PCDH9: variants seen among roughly 807,000 people sequenced by gnomAD.
PCDH9 encodes the protein protocadherin 9.
PCDH9 carries 24 observed loss-of-function variants against 70.6 expected under a neutral mutation model. The observed-to-expected ratio is 0.34, with a 90% CI of 0.25 to 0.48. The LOEUF is 0.48. Ranked by LOEUF, PCDH9 falls within the 20% of genes least tolerant of loss-of-function variation. The pLI is 0.99. For synonymous variants in PCDH9, 562 were observed against 558.5 expected (o/e 1.01, Z -0.09); for missense variants, 1,281 against 1,503.6 (o/e 0.85, Z 2.45).
At chr13:66,464,082 T>C (rs1958472673) in intron 4 of PCDH9, among the ~76,000 whole-genome samples, 1 of 151,926 alleles carries the variant, frequency 6.6e-6, no homozygotes, top group Non-Finnish European at 1.5e-5. Flanking sequence ...TGCTGAAATA[T>C]TTATTTTGTA....
At chr13:66,425,699 A>G (rs1161942060) in intron 4 of PCDH9, among the ~76,000 whole-genome samples, 2 of 151,782 alleles carry the variant, frequency 1.3e-5, no homozygotes, top group Admixed American at 6.6e-5. Flanking sequence ...ATTATCTATC[A>G]TAACATTTGA....
Position 67,149,710 on chromosome 13 carries a change from T to TA in PCDH9, c.3036+75694dup, listed in dbSNP as rs961467307. Among the ~76,000 whole-genome samples the TA allele has an allele frequency of 2.7e-3, 408 of 151,154 alleles. 1 individual carries two copies. The highest frequency in any genetic ancestry group is 7.7e-3 in the African/African-American group (318 of 41,266). On this transcript the variant is annotated intron_variant, in intron 2 of 4. Coordinates refer to ENST00000377865, the MANE Select transcript of PCDH9 (RefSeq NM_203487.3). ...TTACGTTAAAGATTTTTGCTTTGTA[T>TA]AAAAAAAAACCCTAAGATTATTAAC...
chr13:66,813,495 A>C (rs1272956179), intron 3 of PCDH9, among the ~76,000 whole-genome samples: 4 of 151,606 alleles, frequency 2.6e-5, no homozygotes, highest in African/African-American at 9.7e-5. Flanking sequence ...GGAAAGGAGG[A>C]AGGAAGAAAA....
At chr13:67,007,470 C>G (rs2084374963) in intron 2 of PCDH9, among the ~76,000 whole-genome samples, 1 of 151,912 alleles carries the variant, frequency 6.6e-6, no homozygotes, top group Non-Finnish European at 1.5e-5. Context: ...AATTTAATAA[C>G]AAAATGTAAA....
intron 4 of PCDH9, among the ~76,000 whole-genome samples, chr13:66,474,386 T>C (rs1050934382): frequency 6.6e-6 from 1 of 152,120 alleles, no homozygotes. Flanking sequence ...ACTTCTTCTA[T>C]CTAACGTACT....
At chr13:66,348,487 TC>T (rs1240703095) in intron 4 of PCDH9, among the ~76,000 whole-genome samples, 1 of 151,914 alleles carries the variant, frequency 6.6e-6, no homozygotes, top group Non-Finnish European at 1.5e-5. Flanking sequence ...AACTTCCACT[TC>T]CGGGATTCAA....
At chr13:66,766,618 GA>G (rs1383007973) in intron 3 of PCDH9, among the ~76,000 whole-genome samples, 1 of 151,696 alleles carries the variant, frequency 6.6e-6, no homozygotes, top group Non-Finnish European at 1.5e-5. Flanking sequence ...GGGAGGAGAG[GA>G]AAAAAATGTA....
intron 2 of PCDH9, among the ~76,000 whole-genome samples, chr13:66,973,997 G>C (rs977127415): frequency 6.6e-6 from 1 of 151,938 alleles, no homozygotes; most frequent in Non-Finnish European, 1.5e-5. Flanking sequence ...CTGGAAGCTG[G>C]AACATGATAC....
chr13:66,901,245 A>G (rs916059404), intron 3 of PCDH9, among the ~76,000 whole-genome samples: 2 of 151,784 alleles, frequency 1.3e-5, no homozygotes, highest in Non-Finnish European at 1.5e-5. Context: ...ATGATCAAAA[A>G]CAGTTTAGAC....
At chr13:66,952,066 T>C (rs1377542076) in intron 2 of PCDH9, among the ~76,000 whole-genome samples, 1 of 152,144 alleles carries the variant, frequency 6.6e-6, no homozygotes, top group Non-Finnish European at 1.5e-5. Flanking sequence ...ACAAGTCGTT[T>C]CTCTGAATTT....
At chr13:66,826,775 G>A (rs1260671110) in intron 3 of PCDH9, among the ~76,000 whole-genome samples, 2 of 152,320 alleles carry the variant, frequency 1.3e-5, no homozygotes, top group East Asian at 3.9e-4. Flanking sequence ...AAGTGGCTTT[G>A]AGCAGAGACT....
intron 4 of PCDH9, among the ~76,000 whole-genome samples, chr13:66,306,824 T>C (rs977391602): frequency 1.3e-5 from 2 of 152,034 alleles, no homozygotes; most frequent in African/African-American, 4.8e-5. Flanking sequence ...TATGAGCCTT[T>C]CTTTGCCCTC....
chr13:66,940,742 TA>T (rs1221537817), intron 2 of PCDH9, among the ~76,000 whole-genome samples: 1 of 103,480 alleles, frequency 9.7e-6, no homozygotes, highest in Non-Finnish European at 1.9e-5. Flanking sequence ...TATATGAGAG[TA>T]AAAATAGCTT....
At chr13:66,993,151 G>T (rs1364681984) in intron 2 of PCDH9, among the ~76,000 whole-genome samples, 1 of 151,942 alleles carries the variant, frequency 6.6e-6, no homozygotes, top group African/African-American at 2.4e-5. Flanking sequence ...ATTCCACAAA[G>T]AATTTCCCAC....
intron 4 of PCDH9, among the ~76,000 whole-genome samples, chr13:66,544,077 T>C (rs966666097): frequency 6.6e-6 from 1 of 152,202 alleles, no homozygotes; most frequent in African/African-American, 2.4e-5. Context: ...TGAATTATTT[T>C]CTTCCTATCT....
At chr13:66,972,245 T>C (rs1409739287) in intron 2 of PCDH9, among the ~76,000 whole-genome samples, 1 of 151,958 alleles carries the variant, frequency 6.6e-6, no homozygotes, top group East Asian at 1.9e-4. Context: ...TGAAAGATAT[T>C]CATAGCTACA....
rs575160283 is a variant in PCDH9 at position 67,180,051 on chromosome 13, A to G, written c.3036+45354T>C. On this transcript the variant is annotated intron_variant, in intron 2 of 4. Transcript: ENST00000377865. Reference sequence around the variant, plus strand: ...ATTAGAACTTTTAAATCACCAAATGACCAGTAGAAAATATCTCTTAGAATT... The same window carrying G: ...ATTAGAACTTTTAAATCACCAAATGGCCAGTAGAAAATATCTCTTAGAATT... Among the ~76,000 whole-genome samples the G allele has an allele frequency of 1.5e-4, 23 of 152,218 alleles. No individual in the cohort carries two copies. In the South Asian group the frequency reaches 4.3e-3, roughly 29 times the overall value.
At chr13:66,864,721 G>C (rs1269786115) in intron 3 of PCDH9, among the ~76,000 whole-genome samples, 3 of 152,138 alleles carry the variant, frequency 2.0e-5, no homozygotes, top group African/African-American at 7.2e-5. Flanking sequence ...TGTTTTGCAG[G>C]TGGCTGGACT....
intron 3 of PCDH9, among the ~76,000 whole-genome samples, chr13:66,663,382 G>A (rs2078045659): frequency 6.6e-6 from 1 of 152,156 alleles, no homozygotes; most frequent in African/African-American, 2.4e-5. Context: ...CAGCCTAAGA[G>A]AAAAATGCTG....
Sources: gnomAD v4.1 joint callset for allele counts (sites outside exome capture counted in the v4.1 genomes callset) on GRCh38, gnomAD v4.1.1 for gene constraint, MANE v1.5 for transcripts, NCBI Gene and HGNC (gene_info 2026-07-23, HGNC 2026-07-21) for gene names.